The following SH2D1B variants were observed in gnomAD, a reference collection of about 807,000 sequenced individuals.
The protein encoded by SH2D1B is SH2 domain-containing protein 1B.
SH2D1B carries 11 observed loss-of-function variants against 16.3 expected under a neutral mutation model. The ratio of observed to expected loss-of-function variants is 0.67; its 90% CI spans 0.42 to 1.11. The LOEUF is 1.11. Among genes scored for constraint, SH2D1B ranks in the 50% most tolerant of loss-of-function variants. SH2D1B has a pLI of 0.00. For missense variants in SH2D1B, 123 were observed against 153.1 expected (o/e 0.80, Z 1.04); for synonymous variants, 55 against 56.1 (o/e 0.98, Z 0.09).
Position 162,398,970 on chromosome 1 carries a change from G to C in SH2D1B, c.316C>G (p.Pro106Ala), listed in dbSNP as rs764565738. ...HLLKPIKRTS[P>A]SLRWRGLKLE... ...TTCAATCCTCTCCATCTCAAGCTGG[G>C]GCTGGTTCTCTTTATTGGCTTTAAA... The change falls in exon 3 of 4, where the codon CCC becomes GCC. Residue 106 changes from proline to alanine, a missense_variant. By Grantham distance (27) the Pro-to-Ala change is conservative. Transcript: ENST00000367929. 1.3e-5 allele frequency: 21 copies of C among 1,613,620 alleles called. No homozygotes were observed. The highest frequency in any genetic ancestry group is 1.8e-5 in the Non-Finnish European group (21 of 1,179,834).
chr1:162,400,075 G>GATAAAT (rs1648474747), intron 2 of SH2D1B, among the ~76,000 whole-genome samples: 1 of 152,068 alleles, frequency 6.6e-6, no homozygotes, highest in Non-Finnish European at 1.5e-5. Context: ...ATCACTGATG[G>GATAAAT]GCATTTAGGT....
At chr1:162,407,430 G>A (rs1187208785) in intron 1 of SH2D1B, among the ~76,000 whole-genome samples, 1 of 152,068 alleles carries the variant, frequency 6.6e-6, no homozygotes, top group Non-Finnish European at 1.5e-5. Flanking sequence ...GGTAAGAGAG[G>A]GAATGTAATA....
rs1180916275 is a variant in SH2D1B, at chr1:162,399,063, C to A, written c.223G>T (p.Val75Phe). 1.2e-6 allele frequency: 2 copies of A among 1,613,128 alleles called. No homozygotes were observed. Among genetic ancestry groups the A allele is most frequent in the Non-Finnish European group, 1.7e-6 (2 of 1,179,628 alleles). ...IQTAEGSPKQ[V>F]FPSLKELISK... The stretch of plus-strand genomic sequence containing the variant: ...ATCAGTTCCTTTAGGCTTGGAAAGA[C>A]CTGTTTTGGAGAACCTTCTGCAGTC... Residue 75 changes from valine to phenylalanine, a missense_variant, in exon 3 of 4, where the codon GTC (valine) becomes TTC (phenylalanine). Transcript: ENST00000367929.
intron 1 of SH2D1B, among the ~76,000 whole-genome samples, chr1:162,404,495 A>G (rs1016871213): frequency 3.9e-5 from 6 of 152,208 alleles, no homozygotes; most frequent in African/African-American, 1.4e-4. Context: ...ATTTTAAAAC[A>G]TCACATTGTA....
At chr1:162,405,145 G>A (rs1008957940) in intron 1 of SH2D1B, among the ~76,000 whole-genome samples, 4 of 152,140 alleles carry the variant, frequency 2.6e-5, no homozygotes, top group African/African-American at 9.7e-5. Context: ...TAATTATTCC[G>A]AATAAAAGAA....
At chr1:162,408,226 G>A (rs910028349) in intron 1 of SH2D1B, among the ~76,000 whole-genome samples, 41 of 152,140 alleles carry the variant, frequency 2.7e-4, no homozygotes, top group African/African-American at 9.9e-4. Context: ...AAGGCCCTAT[G>A]AGGAGATAGC....
At chr1:162,409,337 C>T (rs1269230849) in intron 1 of SH2D1B, among the ~76,000 whole-genome samples, 3 of 152,108 alleles carry the variant, frequency 2.0e-5, no homozygotes, top group Admixed American at 1.3e-4. Flanking sequence ...CTAAATTCAC[C>T]AGTCTTTTCA....
chr1:162,411,468 C>T (rs771969152), intron 1 of SH2D1B, among the ~76,000 whole-genome samples: 1 of 152,164 alleles, frequency 6.6e-6, no homozygotes, highest in African/African-American at 2.4e-5. Flanking sequence ...TTATAGTTTA[C>T]GTATTGCAAG....
chr1:162,402,308 C>T (rs552913355), intron 2 of SH2D1B, among the ~76,000 whole-genome samples: 2 of 152,136 alleles, frequency 1.3e-5, no homozygotes, highest in African/African-American at 2.4e-5. Context: ...GTCAGGAGAT[C>T]GAGACCATCC....
chr1:162,400,423 C>T (rs1426408965), intron 2 of SH2D1B, among the ~76,000 whole-genome samples: 2 of 149,330 alleles, frequency 1.3e-5, no homozygotes, highest in Admixed American at 6.7e-5. Flanking sequence ...TCCCAAGTAG[C>T]CGGGATTACA....
chr1:162,400,457 A>ATTTTTTTTTTTTTTTTT, intron 2 of SH2D1B, among the ~76,000 whole-genome samples: 1 of 110,840 alleles, frequency 9.0e-6, no homozygotes, highest in Non-Finnish European at 1.8e-5. Flanking sequence ...TACCTGGCTA[A>ATTTTTTTTTTTTTTTTT]TTTTTTTTTT....
intron 1 of SH2D1B, among the ~76,000 whole-genome samples, chr1:162,410,967 T>C (rs1175510513): frequency 6.7e-6 from 1 of 149,462 alleles, no homozygotes; most frequent in East Asian, 2.0e-4. Flanking sequence ...CTCTTTTTTC[T>C]TTTTTTTGGA....
rs34822047 is a variant in SH2D1B, at chr1:162,400,457, A to ATTTTT, written c.199-1375_199-1371dup. 2.3e-4 allele frequency among the ~76,000 whole-genome samples: 26 copies of ATTTTT among 110,832 alleles called. 1 individual carries two copies. The highest frequency in any genetic ancestry group is 6.9e-4 in the South Asian group (2 of 2,884). The allele number at this position is 110,832 out of a possible 152,430, so 72.7% of individuals were successfully genotyped here. On this transcript the variant is annotated intron_variant, in intron 2 of 3. Transcript: ENST00000367929. ...CAAGCACCATCACCATACCTGGCTA[A>ATTTTT]TTTTTTTTTTTTTTTTTTTTGTATT...
Position 162,397,263 on chromosome 1 carries a change from G to A in SH2D1B, c.*17C>T. ...GTTACTCATCTCTTCAACTTGCTTT[G>A]TCCGGCAGCCTTATCTTCAAGGCAA... On this transcript the variant is annotated 3_prime_UTR_variant, in exon 4 of 4. Transcript: ENST00000367929. The A allele has an allele frequency of 1.2e-6, 2 of 1,613,620 alleles. No homozygotes were observed. The highest frequency in any genetic ancestry group is 1.7e-6 in the Non-Finnish European group (2 of 1,179,760).
intron 1 of SH2D1B, among the ~76,000 whole-genome samples, chr1:162,406,736 G>C (rs1648661755): frequency 6.6e-6 from 1 of 152,142 alleles, no homozygotes; most frequent in South Asian, 2.1e-4. Context: ...CAAGGCAATA[G>C]ATAGACATTG....
chr1:162,412,038 G>A lies in SH2D1B; in HGVS notation c.-22C>T, dbSNP rs1423219137. The A allele has an allele frequency of 1.2e-6, 2 of 1,613,578 alleles. No individual in the cohort carries two copies. The highest frequency in any genetic ancestry group is 1.7e-6 in the Non-Finnish European group (2 of 1,179,624). On this transcript the variant is annotated 5_prime_UTR_variant, in exon 1 of 4. Transcript: ENST00000367929. Reference sequence around the variant, plus strand: ...CCATGGAGAACGCTCTTGTATCCCAGGAAGCCCTGTTGGCCTGAAATTCAC... The same window carrying A: ...CCATGGAGAACGCTCTTGTATCCCAAGAAGCCCTGTTGGCCTGAAATTCAC...
chr1:162,400,424 C>T (rs911195469), intron 2 of SH2D1B, among the ~76,000 whole-genome samples: 29 of 148,750 alleles, frequency 1.9e-4, no homozygotes, highest in African/African-American at 6.2e-4. Context: ...CCCAAGTAGC[C>T]GGGATTACAA....
chr1:162,401,788 G>T (rs1648523247), intron 2 of SH2D1B, among the ~76,000 whole-genome samples: 6 of 152,042 alleles, frequency 3.9e-5, no homozygotes, highest in Admixed American at 3.9e-4. Context: ...GTCTCTTTCA[G>T]ATATTCAGAG....
chr1:162,399,980 C>T (rs1648469288), intron 2 of SH2D1B, among the ~76,000 whole-genome samples: 1 of 152,206 alleles, frequency 6.6e-6, no homozygotes. Flanking sequence ...CCACCAGCCT[C>T]TGATTTGGTT....
Sources: allele counts gnomAD v4.1 joint callset (sites outside exome capture counted in the v4.1 genomes callset), GRCh38; gene constraint gnomAD v4.1.1; transcripts MANE v1.5; gene names NCBI Gene and HGNC (gene_info 2026-07-23, HGNC 2026-07-21).